Variants in FBXL3 observed in about 807,000 individuals in gnomAD.
FBXL3 encodes F-box/LRR-repeat protein 3.
FBXL3 carries 14 observed loss-of-function variants against 37.9 expected under a neutral mutation model. The observed-to-expected ratio is 0.37, with a 90% CI of 0.24 to 0.58. FBXL3 has a LOEUF of 0.58. Ranked by LOEUF, FBXL3 falls within the 20% of genes least tolerant of loss-of-function variation. The pLI is 0.74. For missense variants in FBXL3, 327 were observed against 511.1 expected (o/e 0.64, Z 3.47); for synonymous variants, 194 against 180.1 (o/e 1.08, Z -0.62).
chr13:77,015,316 A>T, intron 4 of FBXL3, 93 bp downstream of exon 4: 1 of 872,882 alleles, frequency 1.1e-6, no homozygotes, highest in Non-Finnish European at 1.7e-6. Flanking sequence ...CAGTCATATT[A>T]ATCCACCTTC....
At chr13:77,018,022 AAG>A (rs2034675125) in intron 3 of FBXL3, 1 of 151,666 alleles carries the variant, frequency 6.6e-6, no homozygotes, top group Non-Finnish European at 1.5e-5. Flanking sequence ...TTTGTATTTT[AAG>A]AGAATAGTTG....
chr13:77,017,845 C>G (rs1372901639), intron 3 of FBXL3: 1 of 151,932 alleles, frequency 6.6e-6, no homozygotes, highest in Non-Finnish European at 1.5e-5. Context: ...CTCAATCATC[C>G]TAGTACATTA....
intron 4 of FBXL3, chr13:77,011,014 C>T (rs2034541195): frequency 1.3e-5 from 2 of 152,170 alleles, no homozygotes; most frequent in South Asian, 4.1e-4. Flanking sequence ...TATTACGACT[C>T]AATAAATTAA....
intron 4 of FBXL3, 155 bp downstream of exon 4, chr13:77,015,254 C>A: frequency 2.2e-6 from 1 of 460,212 alleles, no homozygotes. Context: ...AGTAACCCTA[C>A]AGAACTTATG....
In FBXL3 at chr13:77,021,870, A is replaced by G. The variant is rs1277112589; in HGVS notation, c.-1-9T>C. 1 of 1,573,878 alleles carries G rather than the reference A, an allele frequency of 6.4e-7. No individual in the cohort carries two copies. The highest frequency in any genetic ancestry group is 8.6e-7 in the Non-Finnish European group (1 of 1,161,908). The stretch of plus-strand genomic sequence containing the variant: ...TTCCTCCTCGTTTCATCCTATTCCG[A>G]AAAATGCATCAGTTTTTTTCCTACT... On this transcript the variant is annotated splice_polypyrimidine_tract_variant and intron_variant, in intron 1 of 4. Transcript: ENST00000355619.
At chr13:77,021,328 T>TA (rs2034739722) in intron 2 of FBXL3, among the ~76,000 whole-genome samples, 185 bp downstream of exon 2, 1 of 152,162 alleles carries the variant, frequency 6.6e-6, no homozygotes, top group East Asian at 1.9e-4. Context: ...TAATAATTAA[T>TA]AGAGTAATTT....
chr13:77,006,928 AT>A lies in FBXL3; in HGVS notation c.*216del. ...TCACATCCGAACCACATTAAAAAAA[AT>A]TCGGAGATATGACTGCTATTACACT... On this transcript the variant is annotated 3_prime_UTR_variant, in exon 5 of 5. Transcript: ENST00000355619. The A allele has an allele frequency of 1.5e-6, 2 of 1,366,678 alleles. No homozygotes were observed. The highest frequency in any genetic ancestry group is 1.9e-6 in the Non-Finnish European group (2 of 1,063,386). The allele number at this position is 1,366,678 out of a possible 1,614,324, so 84.7% of individuals were successfully genotyped here.
At position 77,006,842 on chromosome 13, in the gene FBXL3, A is replaced by G. The variant is rs548313462; in HGVS notation, c.*303T>C. ...AACCTATTAGTACTTCTTGGATATTATAACATATAGGTTTTGTTTCCTTTA... is the reference window on the plus strand; with the variant it reads ...AACCTATTAGTACTTCTTGGATATTGTAACATATAGGTTTTGTTTCCTTTA... On this transcript the variant is annotated 3_prime_UTR_variant, in exon 5 of 5. Transcript: ENST00000355619. 1.1e-5 allele frequency: 12 copies of G among 1,110,426 alleles called. No individual in the cohort carries two copies. Among genetic ancestry groups the G allele is most frequent in the Middle Eastern group, 4.0e-4 (1 of 2,490 alleles). 68.8% of individuals were successfully genotyped at this position (1,110,426 alleles called of 1,614,324 possible). A position where few individuals can be genotyped will look rare whatever the true frequency, so the allele number is the denominator to read the frequency against.
intron 3 of FBXL3, 92 bp downstream of exon 3, chr13:77,018,508 T>C: frequency 9.9e-7 from 1 of 1,011,418 alleles, no homozygotes; most frequent in Non-Finnish European, 1.4e-6. Flanking sequence ...ATATATAACT[T>C]TCCTTATACT....
At chr13:77,009,442 C>T (rs1182588596) in intron 4 of FBXL3, 3 of 152,282 alleles carry the variant, frequency 2.0e-5, no homozygotes, top group African/African-American at 4.8e-5. Context: ...ATTCTCCTGC[C>T]TCGGCCTACC....
At chr13:77,012,625 T>C (rs934897546) in intron 4 of FBXL3, among the ~76,000 whole-genome samples, 1 of 152,174 alleles carries the variant, frequency 6.6e-6, no homozygotes, top group African/African-American at 2.4e-5. Flanking sequence ...AGAAAATTGA[T>C]TAAATGTTCA....
At chr13:77,019,746 TTGG>T (rs1283783076) in intron 2 of FBXL3, among the ~76,000 whole-genome samples, 1 of 152,146 alleles carries the variant, frequency 6.6e-6, no homozygotes, top group African/African-American at 2.4e-5. Context: ...ATAAGCCTCC[TTGG>T]TCTATAATCA....
chr13:77,013,395 G>T (rs183766964), intron 4 of FBXL3: 1 of 152,252 alleles, frequency 6.6e-6, no homozygotes, highest in African/African-American at 2.4e-5. Flanking sequence ...CAATGTGGGG[G>T]TCATGAAGCC....
intron 4 of FBXL3, chr13:77,009,600 AAAC>A (rs1315464923): frequency 3.3e-5 from 5 of 152,232 alleles, no homozygotes; most frequent in African/African-American, 1.2e-4. Flanking sequence ...AAAAGTCAGC[AAAC>A]AACAGATGCT....
chr13:77,010,954 A>C (rs906649375), intron 4 of FBXL3: 10 of 152,256 alleles, frequency 6.6e-5, no homozygotes, highest in African/African-American at 2.4e-4. Flanking sequence ...CATAGTTCCA[A>C]GTATTTAAAA....
chr13:77,022,679 C>T (rs902783048), intron 1 of FBXL3, among the ~76,000 whole-genome samples: 2 of 152,214 alleles, frequency 1.3e-5, no homozygotes, highest in African/African-American at 2.4e-5. Flanking sequence ...AATGTAGCTG[C>T]TTCTTCAAAC....
At position 77,007,114 on chromosome 13, in the gene FBXL3, T is replaced by G. The variant is rs201346194; in HGVS notation, c.*31A>C. On this transcript the variant is annotated 3_prime_UTR_variant, in exon 5 of 5. Transcript: ENST00000355619. ...AAACTTTAATTATAATACATTTGCT[T>G]GAAATTAAGGTGCTATTCATCATGC... 2.6e-6 allele frequency: 4 copies of G among 1,545,496 alleles called. No homozygotes were observed. The highest frequency in any genetic ancestry group is 2.5e-5 in the South Asian group (2 of 80,628).
rs1255929272 is a variant in FBXL3 at position 77,005,476 on chromosome 13, G to A, written c.*1669C>T. On this transcript the variant is annotated 3_prime_UTR_variant, in exon 5 of 5. Transcript: ENST00000355619. Reference sequence around the variant, plus strand: ...ATCCATTTTTCCAAAGTTGTTCAAGGAAAAACAACAACTTGACTAGCACAG... The same window carrying A: ...ATCCATTTTTCCAAAGTTGTTCAAGAAAAAACAACAACTTGACTAGCACAG... 6.6e-6 allele frequency: 1 copy of A among 152,446 alleles called. No individual in the cohort carries two copies. The highest frequency in any genetic ancestry group is 1.5e-5 in the Non-Finnish European group (1 of 67,940). 9.4% of individuals were successfully genotyped at this position (152,446 alleles called of 1,614,324 possible).
intron 3 of FBXL3, chr13:77,016,070 T>C (rs997941480): frequency 1.3e-5 from 2 of 152,216 alleles, no homozygotes; most frequent in Admixed American, 6.5e-5. Flanking sequence ...CATAGAAAAT[T>C]TGATTATAAA....
Sources: gnomAD v4.1 joint callset for allele counts (sites outside exome capture counted in the v4.1 genomes callset) on GRCh38, gnomAD v4.1.1 for gene constraint, MANE v1.5 for transcripts, NCBI Gene and HGNC (gene_info 2026-07-23, HGNC 2026-07-21) for gene names.